Variants in NOL10 observed in about 807,000 individuals in gnomAD.
NOL10 encodes H_NH0074G24.1.
In NOL10, 58 loss-of-function variants were observed where a neutral mutation model predicts 103.5. The observed-to-expected ratio is 0.56, with a 90% confidence interval of 0.45 to 0.70. NOL10 has a LOEUF of 0.70. NOL10 is among the 30% of genes least tolerant of loss of function. NOL10 has a pLI of 0.00. For missense variants in NOL10, 763 were observed against 807.3 expected, an observed-to-expected ratio of 0.95 and a Z score of 0.67; for synonymous variants, 287 against 282.5, an observed-to-expected ratio of 1.02 and a Z score of -0.16.
intron 7 of NOL10, 23 bp downstream of exon 7, chr2:10,668,635 G>T: frequency 8.3e-7 from 1 of 1,210,080 alleles, no homozygotes; most frequent in Non-Finnish European, 1.1e-6. Flanking sequence ...AATGTATATA[G>T]CAGAATTACT....
intron 3 of NOL10, among the ~76,000 whole-genome samples, chr2:10,677,892 T>C (rs1558351077): frequency 6.6e-6 from 1 of 151,672 alleles, no homozygotes; most frequent in Non-Finnish European, 1.5e-5. Flanking sequence ...TATATGCGTG[T>C]GTATATATGT....
At chr2:10,664,289 A>G (rs1161652410) in intron 8 of NOL10, among the ~76,000 whole-genome samples, 1 of 152,014 alleles carries the variant, frequency 6.6e-6, no homozygotes, top group African/African-American at 2.4e-5. Flanking sequence ...TTAGCTGGGC[A>G]TGGTGGCAGG....
In NOL10 at chr2:10,662,949, T is replaced by C. The variant is rs1168989441; in HGVS notation, c.677+10A>G. On this transcript the variant is annotated intron_variant, in intron 9 of 20. Transcript: ENST00000381685. Reference sequence around the variant, plus strand: ...ATGAACATTTACATTGCAAATTAATTTCTACTTACTCTGAATCTGCTGTGA... The same window carrying C: ...ATGAACATTTACATTGCAAATTAATCTCTACTTACTCTGAATCTGCTGTGA... 1.2e-6 allele frequency: 2 copies of C among 1,604,414 alleles called. 1 individual carries two copies. Among genetic ancestry groups the C allele is most frequent in the South Asian group, 2.2e-5 (2 of 90,632 alleles).
intron 19 of NOL10, among the ~76,000 whole-genome samples, chr2:10,578,215 C>T (rs1674555492): frequency 6.6e-6 from 1 of 152,182 alleles, no homozygotes; most frequent in Non-Finnish European, 1.5e-5. Flanking sequence ...CCAGGTCAAG[C>T]CACAGAGAAG....
At chr2:10,617,005 TGAC>T (rs1676872018) in intron 13 of NOL10, among the ~76,000 whole-genome samples, 2 of 150,136 alleles carry the variant, frequency 1.3e-5, no homozygotes, top group African/African-American at 2.4e-5. Flanking sequence ...AGATACTCAG[TGAC>T]AAAACACAGA....
chr2:10,668,284 A>C (rs1156521174), intron 7 of NOL10, among the ~76,000 whole-genome samples: 1 of 152,286 alleles, frequency 6.6e-6, no homozygotes, highest in Admixed American at 6.5e-5. Flanking sequence ...AAAAACCTTA[A>C]ATGTCCGCTA....
rs901551051 is a variant in NOL10 at position 10,683,350 on chromosome 2, T to G, written c.112+1217A>C. 1.3e-4 allele frequency among the ~76,000 whole-genome samples: 20 copies of G among 152,196 alleles called. 1 individual carries two copies. Among genetic ancestry groups the G allele is most frequent in the Admixed American group, 2.6e-4 (4 of 15,280 alleles). On this transcript the variant is annotated intron_variant, in intron 2 of 20. Transcript: ENST00000381685. ...CGTAAATTTAAAAGAACCAACATCT[T>G]CTGCAATCACCTTTAACTGTTCAGA...
intron 13 of NOL10, among the ~76,000 whole-genome samples, chr2:10,641,174 C>CAAAAAAAAAAAAAAAAAAAAA (rs35267200): frequency 1.0e-5 from 1 of 99,462 alleles, no homozygotes; most frequent in African/African-American, 3.7e-5. Flanking sequence ...TACAAAAATA[C>CAAAAAAAAAAAAAAAAAAAAA]AAAAAAAAAA....
intron 3 of NOL10, among the ~76,000 whole-genome samples, chr2:10,678,017 G>A (rs1399402284): frequency 6.6e-6 from 1 of 151,500 alleles, no homozygotes; most frequent in African/African-American, 2.4e-5. Flanking sequence ...TTTTAATATA[G>A]CCAGGACCTT....
chr2:10,682,024 G>T lies in NOL10; in HGVS notation c.158C>A (p.Thr53Asn). The part of the protein sequence containing the change: ...IELIQDFEMP[T>N]VCTTIKVSKD... ...TGACACCTTAATAGTGGTACACACA[G>T]TAGGCATTTCAAAGTCCTGAATAAG... The change falls in exon 3 of 21, where the codon ACT becomes AAT. Residue 53 changes from threonine to asparagine, a missense_variant. By Grantham distance (65) the Thr-to-Asn change is moderately conservative. Transcript: ENST00000381685. 1 of 1,535,148 alleles carries T rather than the reference G, an allele frequency of 6.5e-7. No homozygotes were observed. The highest frequency in any genetic ancestry group is 8.8e-7 in the Non-Finnish European group (1 of 1,139,222).
intron 16 of NOL10, among the ~76,000 whole-genome samples, chr2:10,601,859 T>C (rs552700877): frequency 6.6e-6 from 1 of 152,238 alleles, no homozygotes; most frequent in Non-Finnish European, 1.5e-5. Flanking sequence ...AAAAAAGTAC[T>C]GAGGGTAAAT....
intron 2 of NOL10, among the ~76,000 whole-genome samples, chr2:10,684,048 G>A (rs1318814591): frequency 6.6e-6 from 1 of 152,144 alleles, no homozygotes; most frequent in African/African-American, 2.4e-5. Context: ...GGAGGCCAAG[G>A]CAGGTGGATC....
At chr2:10,658,871 G>T (rs1038153754) in intron 10 of NOL10, among the ~76,000 whole-genome samples, 13 of 152,154 alleles carry the variant, frequency 8.5e-5, no homozygotes, top group Non-Finnish European at 1.6e-4. Flanking sequence ...CTGAGCCCAG[G>T]AGTTCAAGAC....
intron 18 of NOL10, 38 bp from the exon 19 acceptor site, chr2:10,589,328 C>G (rs747488358): frequency 1.9e-6 from 3 of 1,606,478 alleles, no homozygotes; most frequent in Non-Finnish European, 2.5e-6. Context: ...TCCTTTCCCC[C>G]AGTCAAACAC....
At chr2:10,630,374 A>AT (rs757539741) in intron 13 of NOL10, among the ~76,000 whole-genome samples, 143 of 152,308 alleles carry the variant, frequency 9.4e-4, no homozygotes, top group Admixed American at 1.9e-3. Context: ...GAAGGAAGAA[A>AT]TGCTTTTTAG....
chr2:10,590,646 G>T (rs1198165682), intron 17 of NOL10, among the ~76,000 whole-genome samples: 1 of 152,120 alleles, frequency 6.6e-6, no homozygotes, highest in African/African-American at 2.4e-5. Flanking sequence ...GTTGTCAAAG[G>T]ATATTGTGTA....
chr2:10,681,418 A>G (rs1681744542), intron 3 of NOL10, among the ~76,000 whole-genome samples: 1 of 152,208 alleles, frequency 6.6e-6, no homozygotes, highest in Non-Finnish European at 1.5e-5. Context: ...GAAACAGGCT[A>G]AACTTGTCTA....
chr2:10,661,501 A>C (rs1403436277), intron 9 of NOL10, among the ~76,000 whole-genome samples: 2 of 151,882 alleles, frequency 1.3e-5, no homozygotes, highest in African/African-American at 4.8e-5. Context: ...CCTCCTGGGT[A>C]CTTGGGATTA....
At chr2:10,625,184 A>G (rs1056240325) in intron 13 of NOL10, among the ~76,000 whole-genome samples, 4 of 152,180 alleles carry the variant, frequency 2.6e-5, no homozygotes, top group African/African-American at 9.6e-5. Context: ...TCTATGTGAT[A>G]TTATGACCGT....
Sources: allele counts gnomAD v4.1 joint callset (sites outside exome capture counted in the v4.1 genomes callset), GRCh38; gene constraint gnomAD v4.1.1; transcripts MANE v1.5; gene names NCBI Gene and HGNC (gene_info 2026-07-23, HGNC 2026-07-21).